CSMD1: variants seen among roughly 807,000 people sequenced by gnomAD.
The protein encoded by CSMD1 is CUB and sushi domain-containing protein 1.
CSMD1 carries 213 observed loss-of-function variants against 417.5 expected under a neutral mutation model. The observed-to-expected ratio is 0.51, with a 90% confidence interval of 0.46 to 0.57. The LOEUF (loss-of-function observed/expected upper bound fraction) is 0.57. CSMD1 is among the 20% of genes least tolerant of loss of function. The probability of loss-of-function intolerance (pLI) is 0.00; values close to 1 mark genes in which losing one functional copy is unlikely to be tolerated. For synonymous variants in CSMD1, 2,862 were observed against 1,736.8 expected (o/e 1.65, Z -16.11); for missense variants, 6,923 against 4,529.7 (o/e 1.53, Z -15.17).
Position 3,877,550 on chromosome 8 carries a change from G to A in CSMD1, c.818+120353C>T, listed in dbSNP as rs117041828. Among the ~76,000 whole-genome samples, 129 of 152,174 alleles carry A rather than the reference G, an allele frequency of 8.5e-4. No individual in the cohort carries two copies. The East Asian group carries it at 0.022, about 26-fold the overall frequency. On this transcript the variant is annotated intron_variant, in intron 5 of 69. Coordinates refer to ENST00000635120, the MANE Select transcript of CSMD1 (RefSeq NM_033225.6). ...TCGATGTTCCCCATATTCAGGTAAA[G>A]GCCAGAGAAAAAAATGAGCTCTTCA... is the stretch of plus-strand genomic sequence containing the variant.
intron 2 of CSMD1, among the ~76,000 whole-genome samples, chr8:4,424,808 G>A (rs1443275011): frequency 6.6e-6 from 1 of 152,002 alleles, no homozygotes; most frequent in African/African-American, 2.4e-5. Flanking sequence ...TTATACCATA[G>A]TTTTGCCGGT....
At chr8:3,090,288 G>A (rs1365576578) in intron 48 of CSMD1, among the ~76,000 whole-genome samples, 2 of 129,398 alleles carry the variant, frequency 1.5e-5, no homozygotes, top group African/African-American at 2.8e-5. Flanking sequence ...CTGCACTCCA[G>A]CCTGGGCAAC....
chr8:3,208,546 T>A (rs1278681104), intron 30 of CSMD1, among the ~76,000 whole-genome samples: 3 of 152,144 alleles, frequency 2.0e-5, no homozygotes, highest in African/African-American at 7.2e-5. Context: ...ATTACAGGGC[T>A]GAGCCACCAC....
chr8:4,014,962 G>A (rs762960089), intron 4 of CSMD1, among the ~76,000 whole-genome samples: 5 of 152,178 alleles, frequency 3.3e-5, no homozygotes, highest in African/African-American at 4.8e-5. Context: ...CGTGAATGAC[G>A]TGCTTGGCAG....
chr8:4,237,201 T>A (rs150253705), intron 3 of CSMD1, among the ~76,000 whole-genome samples: 2 of 152,192 alleles, frequency 1.3e-5, no homozygotes. Context: ...TGCACCAACT[T>A]TGCAAATCAA....
intron 6 of CSMD1, among the ~76,000 whole-genome samples, chr8:3,713,984 G>A (rs1044494402): frequency 1.3e-5 from 2 of 151,712 alleles, no homozygotes; most frequent in South Asian, 4.1e-4. Flanking sequence ...CAATAATATT[G>A]AAATCTTTGT....
chr8:3,191,498 T>C (rs1347604689), intron 33 of CSMD1, among the ~76,000 whole-genome samples: 2 of 152,038 alleles, frequency 1.3e-5, no homozygotes, highest in African/African-American at 4.8e-5. Flanking sequence ...TCCAGTTCTC[T>C]CTTGATGAGA....
chr8:4,401,143 G>A lies in CSMD1; in HGVS notation c.415+18810C>T, dbSNP rs79079799. ...CACATAAAGCTTCTGTTTGAAGCTGGGAGTCGAGGATTCATCAAAACAGGG... is the reference window on the plus strand; with the variant it reads ...CACATAAAGCTTCTGTTTGAAGCTGAGAGTCGAGGATTCATCAAAACAGGG... On this transcript the variant is annotated intron_variant, in intron 3 of 69. Coordinates refer to ENST00000635120, the MANE Select transcript of CSMD1 (RefSeq NM_033225.6). 3.2e-3 allele frequency among the ~76,000 whole-genome samples: 487 copies of A among 152,202 alleles called. 17 individuals are homozygous for A. The East Asian group carries it at 0.079, about 25-fold the overall frequency.
intron 17 of CSMD1, among the ~76,000 whole-genome samples, chr8:3,390,893 G>T (rs759891922): frequency 3.9e-5 from 6 of 152,020 alleles, no homozygotes; most frequent in Non-Finnish European, 8.8e-5. Flanking sequence ...ACTTCTCACA[G>T]CCTCCGAGAG....
At chr8:4,914,324 C>A (rs149147192) in intron 1 of CSMD1, among the ~76,000 whole-genome samples, 3 of 152,034 alleles carry the variant, frequency 2.0e-5, no homozygotes, top group South Asian at 4.1e-4. Flanking sequence ...CACCTGTAAT[C>A]CCAACACTTT....
chr8:3,297,694 G>T, intron 25 of CSMD1, among the ~76,000 whole-genome samples: 1 of 152,166 alleles, frequency 6.6e-6, no homozygotes, highest in Non-Finnish European at 1.5e-5. Flanking sequence ...GGTAAATTAA[G>T]TTTTGTAGAA....
chr8:4,694,489 C>T (rs1333123811), intron 1 of CSMD1, among the ~76,000 whole-genome samples: 1 of 151,926 alleles, frequency 6.6e-6, no homozygotes, highest in Non-Finnish European at 1.5e-5. Flanking sequence ...GTAGCTGGGG[C>T]TATCTATATG....
At chr8:4,094,693 C>G (rs1416243456) in intron 3 of CSMD1, among the ~76,000 whole-genome samples, 1 of 152,082 alleles carries the variant, frequency 6.6e-6, no homozygotes, top group Non-Finnish European at 1.5e-5. Context: ...GGAGAGGAAA[C>G]GCCGGCTTCT....
intron 46 of CSMD1, 87 bp downstream of exon 46, chr8:3,106,441 C>T: frequency 1.3e-6 from 1 of 750,578 alleles, no homozygotes; most frequent in Non-Finnish European, 2.2e-6. Context: ...AAGTTCACAT[C>T]TATACAAAGA....
intron 10 of CSMD1, among the ~76,000 whole-genome samples, chr8:3,547,102 A>G (rs1268848712): frequency 6.6e-6 from 1 of 152,178 alleles, no homozygotes; most frequent in Non-Finnish European, 1.5e-5. Context: ...CGTGGGCTAC[A>G]GGTTGGCCAA....
At chr8:3,577,739 C>G (rs989106029) in intron 9 of CSMD1, among the ~76,000 whole-genome samples, 1 of 152,186 alleles carries the variant, frequency 6.6e-6, no homozygotes, top group African/African-American at 2.4e-5. Context: ...TCAATGTTTG[C>G]CTTTCTAAAT....
intron 10 of CSMD1, among the ~76,000 whole-genome samples, chr8:3,524,377 A>G (rs372509013): frequency 4.1e-4 from 61 of 147,324 alleles, no homozygotes; most frequent in African/African-American, 1.6e-3. Flanking sequence ...AAGTGCACAC[A>G]TGCACATACA....
chr8:3,951,534 T>C (rs1811601221), intron 5 of CSMD1, among the ~76,000 whole-genome samples: 1 of 152,080 alleles, frequency 6.6e-6, no homozygotes. Flanking sequence ...CATGTAAATA[T>C]GATGATCTAT....
intron 25 of CSMD1, among the ~76,000 whole-genome samples, chr8:3,294,421 G>T (rs1217566289): frequency 2.0e-5 from 3 of 152,232 alleles, no homozygotes; most frequent in African/African-American, 7.2e-5. Context: ...GCCTGCAGAG[G>T]TGGAGTCTAC....
Sources: gnomAD v4.1 joint callset for allele counts (sites outside exome capture counted in the v4.1 genomes callset) on GRCh38, gnomAD v4.1.1 for gene constraint, MANE v1.5 for transcripts, NCBI Gene and HGNC (gene_info 2026-07-23, HGNC 2026-07-21) for gene names.